The following PLOD1 variants were observed in gnomAD, a reference collection of about 807,000 sequenced individuals.
The protein encoded by PLOD1 is procollagen-lysine,2-oxoglutarate 5-dioxygenase 1, also known as lysine hydroxylase.
In PLOD1, 70 loss-of-function variants were observed where a neutral mutation model predicts 94.7. The ratio of observed to expected loss-of-function variants is 0.74; its 90% confidence interval spans 0.61 to 0.90. PLOD1 has a LOEUF of 0.90. PLOD1 is among the 40% of genes least tolerant of loss of function. PLOD1 has a pLI of 0.00. For synonymous variants in PLOD1, 417 were observed against 400.2 expected, an observed-to-expected ratio of 1.04 and a Z score of -0.50; for missense variants, 905 against 972.7, an observed-to-expected ratio of 0.93 and a Z score of 0.93.
At chr1:11,952,595 C>T in intron 4 of PLOD1, 28 bp from the exon 5 acceptor site, 1 of 1,531,524 alleles carries the variant, frequency 6.5e-7, no homozygotes, top group African/African-American at 1.4e-5. Context: ...AAGGGTCCGT[C>T]TTGGTGTCCC....
At chr1:11,973,631 G>A (rs909348358) in intron 18 of PLOD1, among the ~76,000 whole-genome samples, 12 of 151,656 alleles carry the variant, frequency 7.9e-5, no homozygotes, top group Non-Finnish European at 1.5e-4. Flanking sequence ...CCAGGCTGGA[G>A]TGTAGTGGCA....
At chr1:11,938,652 T>TGGAGTAGGG (rs1645595937) in intron 1 of PLOD1, among the ~76,000 whole-genome samples, 2 of 152,106 alleles carry the variant, frequency 1.3e-5, no homozygotes, top group Admixed American at 1.3e-4. Context: ...AGGAGGCAGC[T>TGGAGTAGGG]ACTGAGGTGG....
intron 16 of PLOD1, among the ~76,000 whole-genome samples, chr1:11,967,306 G>T (rs1274386550): frequency 6.6e-6 from 1 of 152,066 alleles, no homozygotes; most frequent in Non-Finnish European, 1.5e-5. Context: ...CCACCGTGTG[G>T]CTTTGAGTTG....
chr1:11,937,542 C>A (rs553848123), intron 1 of PLOD1, among the ~76,000 whole-genome samples: 6 of 152,268 alleles, frequency 3.9e-5, no homozygotes, highest in Non-Finnish European at 7.4e-5. Flanking sequence ...GCCTTTGATC[C>A]CCCTGCTTCT....
rs949230414 is a variant in PLOD1, at chr1:11,970,667, C to T, written c.1756-3C>T. 6.2e-7 allele frequency: 1 copy of T among 1,613,108 alleles called. No individual in the cohort carries two copies. Among genetic ancestry groups the T allele is most frequent in the Non-Finnish European group, 8.5e-7 (1 of 1,179,890 alleles). The stretch of plus-strand genomic sequence containing the variant: ...CCTAAACATTCACCTCGGTCACCTC[C>T]AGGACAACCGCATCCAGGGTGGCTA... On this transcript the variant is annotated splice_polypyrimidine_tract_variant and splice_region_variant and intron_variant, in intron 16 of 18. Coordinates refer to ENST00000196061, the MANE Select transcript of PLOD1 (RefSeq NM_000302.4).
rs35226154 is a variant in PLOD1 at position 11,967,616 on chromosome 1, A to ATATATATAT, written c.1755+525_1755+526insTATATATAT. Among the ~76,000 whole-genome samples the ATATATATAT allele has an allele frequency of 9.5e-3, 709 of 74,988 alleles. 53 individuals carry two copies. Among genetic ancestry groups the ATATATATAT allele is most frequent in the African/African-American group, 0.024 (365 of 15,286 alleles). The allele number at this position is 74,988 out of a possible 152,430, so 49.2% of individuals were successfully genotyped here. ...GTGTGTGTATATATATATATATATA[A>ATATATATAT]AAAGAAATATATATAGATTTTATTT... On this transcript the variant is annotated intron_variant, in intron 16 of 18. Transcript: ENST00000196061.
At chr1:11,940,536 C>G (rs1645608546) in intron 1 of PLOD1, among the ~76,000 whole-genome samples, 1 of 152,224 alleles carries the variant, frequency 6.6e-6, no homozygotes, top group South Asian at 2.1e-4. Context: ...GTATTATTCC[C>G]ATTTTACAGA....
chr1:11,950,631 G>A, intron 4 of PLOD1, 111 bp downstream of exon 4: 3 of 932,082 alleles, frequency 3.2e-6, no homozygotes, highest in Non-Finnish European at 5.1e-6. Flanking sequence ...GGTCTCCAGT[G>A]CAGAATGTCC....
intron 16 of PLOD1, among the ~76,000 whole-genome samples, chr1:11,967,616 A>AAATATATATATATATATATAT (rs1645829925): frequency 2.7e-5 from 2 of 75,144 alleles, no homozygotes; most frequent in Admixed American, 2.5e-4. Flanking sequence ...TATATATATA[A>AAATATATATATATATATATAT]AAAGAAATAT....
At position 11,974,968 on chromosome 1, in the gene PLOD1, T is replaced by C; in HGVS notation, c.*160T>C. 2.6e-6 allele frequency: 2 copies of C among 774,928 alleles called. No homozygotes were observed. Among genetic ancestry groups the C allele is most frequent in the Non-Finnish European group, 4.6e-6 (2 of 434,896 alleles). 48.0% of individuals were successfully genotyped at this position (774,928 alleles called of 1,614,324 possible). A position where few individuals can be genotyped will look rare whatever the true frequency, so the allele number is the denominator to read the frequency against. On this transcript the variant is annotated 3_prime_UTR_variant, in exon 19 of 19. Transcript: ENST00000196061. ...AATCAAAGAGATTCAAAGAGATTCC[T>C]GCAGGCCAGAGGCGGAACACACCTT... is the stretch of plus-strand genomic sequence containing the variant.
At chr1:11,938,820 G>T (rs187946554) in intron 1 of PLOD1, among the ~76,000 whole-genome samples, 1 of 152,148 alleles carries the variant, frequency 6.6e-6, no homozygotes, top group Non-Finnish European at 1.5e-5. Context: ...CTCCCAATGA[G>T]AGGGGGGTAC....
intron 1 of PLOD1, among the ~76,000 whole-genome samples, chr1:11,945,118 G>C (rs1230337449): frequency 6.6e-6 from 1 of 152,196 alleles, no homozygotes; most frequent in Non-Finnish European, 1.5e-5. Context: ...CCTGGAGGAA[G>C]GTTAGAGAAA....
At chr1:11,967,805 A>C (rs942172778) in intron 16 of PLOD1, among the ~76,000 whole-genome samples, 2 of 150,740 alleles carry the variant, frequency 1.3e-5, no homozygotes, top group Non-Finnish European at 2.9e-5. Context: ...GCTGGAGTAC[A>C]GTGGCGCAAT....
intron 11 of PLOD1, 36 bp from the exon 12 acceptor site, chr1:11,964,139 G>T (rs746607402): frequency 6.2e-7 from 1 of 1,611,330 alleles, no homozygotes; most frequent in Non-Finnish European, 8.5e-7. Flanking sequence ...CTCCCAGTGG[G>T]CAGCGACCTC....
chr1:11,967,658 A>ATATATAT (rs531664511), intron 16 of PLOD1, among the ~76,000 whole-genome samples: 4 of 108,976 alleles, frequency 3.7e-5, no homozygotes, highest in South Asian at 3.4e-4. Flanking sequence ...ATATATATAT[A>ATATATAT]TTTTTTTTAA....
At chr1:11,943,421 C>T (rs1156669643) in intron 1 of PLOD1, among the ~76,000 whole-genome samples, 3 of 151,804 alleles carry the variant, frequency 2.0e-5, no homozygotes, top group African/African-American at 7.3e-5. Flanking sequence ...CTGAGCCTCA[C>T]GAGTAGTTGG....
At chr1:11,964,919 C>T in intron 13 of PLOD1, 134 bp downstream of exon 13, 1 of 975,444 alleles carries the variant, frequency 1.0e-6, no homozygotes, top group Non-Finnish European at 1.6e-6. Flanking sequence ...AGCAGGGCAT[C>T]TCGGAAGCCA....
Position 11,967,840 on chromosome 1 carries a change from C to T in PLOD1, c.1755+749C>T, listed in dbSNP as rs568527924. On this transcript the variant is annotated intron_variant, in intron 16 of 18. Transcript: ENST00000196061. ...TCTTGGCTCATTGCAACCTCTGCCT[C>T]CCAGGTTCAAGAGATTCTCATGCCT... Among the ~76,000 whole-genome samples the T allele has an allele frequency of 5.2e-3, 788 of 150,858 alleles. 1 individual carries two copies. The highest frequency in any genetic ancestry group is 8.4e-3 in the Non-Finnish European group (570 of 67,860).
In PLOD1 at chr1:11,972,643, C is replaced by A; in HGVS notation, c.1903-229C>A. The A allele has an allele frequency of 2.0e-6, 1 of 501,008 alleles. No homozygotes were observed. The highest frequency in any genetic ancestry group is 3.7e-6 in the Non-Finnish European group (1 of 273,140). 31.0% of individuals were successfully genotyped at this position (501,008 alleles called of 1,614,324 possible). A position where few individuals can be genotyped will look rare whatever the true frequency, so the allele number is the denominator to read the frequency against. ...CCTCCCTTCCTTTCTTCCTTCCCCT[C>A]TGTTCTCTTCCTTCCCTCCCTCTCT... On this transcript the variant is annotated intron_variant, in intron 17 of 18. Coordinates refer to ENST00000196061, the MANE Select transcript of PLOD1 (RefSeq NM_000302.4). The surrounding 1 kb of genome is among the most constrained non-coding windows in gnomAD (Gnocchi z 4.6).
Sources: allele counts gnomAD v4.1 joint callset (sites outside exome capture counted in the v4.1 genomes callset), GRCh38; gene constraint gnomAD v4.1.1; non-coding constraint Gnocchi (gnomAD v3.1); transcripts MANE v1.5; gene names NCBI Gene and HGNC (gene_info 2026-07-23, HGNC 2026-07-21).